The following NFATC3 variants were observed in gnomAD, a reference collection of about 807,000 sequenced individuals.
The protein encoded by NFATC3 is nuclear factor of activated T cells 3.
NFATC3 carries 46 observed loss-of-function variants against 98.6 expected under a neutral mutation model. The ratio of observed to expected loss-of-function variants is 0.47; its 90% CI spans 0.37 to 0.60. The LOEUF (loss-of-function observed/expected upper bound fraction) is 0.60, where lower values mean the gene tolerates loss of function less well. Among genes scored for constraint, NFATC3 ranks in the 20% least tolerant of loss-of-function variants. The probability of loss-of-function intolerance (pLI) is 0.00; values close to 1 mark genes in which losing one functional copy is unlikely to be tolerated. For synonymous variants in NFATC3, 512 were observed against 472.2 expected, an observed-to-expected ratio of 1.08 and a Z score of -1.09; for missense variants, 1,256 against 1,295.5, an observed-to-expected ratio of 0.97 and a Z score of 0.47.
chr16:68,167,820 T>C, intron 5 of NFATC3, among the ~76,000 whole-genome samples: 1 of 65,450 alleles, frequency 1.5e-5, no homozygotes, highest in Admixed American at 1.5e-4. Flanking sequence ...CTTTTTTTTT[T>C]TTTTTTTTTT....
intron 3 of NFATC3, among the ~76,000 whole-genome samples, chr16:68,134,328 A>G (rs1253271547): frequency 6.6e-6 from 1 of 152,010 alleles, no homozygotes. Context: ...CGCTTGGCTA[A>G]TTTTTTAAAT....
intron 1 of NFATC3, chr16:68,086,715 T>C: frequency 1.0e-6 from 1 of 985,434 alleles, no homozygotes; most frequent in Non-Finnish European, 1.2e-6. Flanking sequence ...TTCTTAATGT[T>C]CATGTTTGAT....
At chr16:68,138,813 C>T (rs2037590671) in intron 3 of NFATC3, 1 of 1,234,156 alleles carries the variant, frequency 8.1e-7, no homozygotes, top group Middle Eastern at 2.3e-4. Flanking sequence ...CCTTCTATGC[C>T]ACATGCTCCA....
intron 3 of NFATC3, among the ~76,000 whole-genome samples, chr16:68,142,435 G>A (rs1180541824): frequency 6.6e-6 from 1 of 152,110 alleles, no homozygotes; most frequent in African/African-American, 2.4e-5. Context: ...CATTGCTTTT[G>A]TAACCTGAGG....
chr16:68,201,647 T>TA (rs767824876), intron 9 of NFATC3, among the ~76,000 whole-genome samples: 15 of 150,614 alleles, frequency 1.0e-4, no homozygotes, highest in Non-Finnish European at 1.5e-4. Context: ...TTGTTTCTTT[T>TA]AAAAAAAAGA....
chr16:68,088,560 G>A (rs983995299), intron 1 of NFATC3: 1 of 148,354 alleles, frequency 6.7e-6, no homozygotes, highest in South Asian at 2.1e-4. Flanking sequence ...TTGAGGCAGG[G>A]TCTCGCCCTG....
Position 68,122,962 on chromosome 16 carries a change from A to G in NFATC3, c.1079A>G (p.Asp360Gly), listed in dbSNP as rs2036631711. Residue 360 changes from aspartate (D) to glycine (G), a missense_variant, in exon 2 of 10, where the codon GAT becomes GGT. Around this residue, in one of 3 missense-constraint regions of NFATC3, gnomAD observed 464 missense variants for 465.7 expected, o/e 1.00. Transcript: ENST00000346183. Reference protein sequence around the residue: ...ILPGKLELCSDDQGSLSPARE... With the variant: ...ILPGKLELCSGDQGSLSPARE... ...CCAGGAAAATTAGAGCTGTGTTCAG[A>G]TGACCAAGGGAGTTTATCACCAGCC... The G allele has an allele frequency of 6.2e-7, 1 of 1,614,204 alleles. No homozygotes were observed.
At chr16:68,100,887 C>CTGTG (rs55677176) in intron 1 of NFATC3, among the ~76,000 whole-genome samples, 17,132 of 146,184 alleles carry the variant, frequency 0.12, 1,071 homozygotes, top group South Asian at 0.19. Flanking sequence ...TTTGAGAGTT[C>CTGTG]TGTGTGTGTG....
chr16:68,212,240 A>G (rs1346771124), intron 9 of NFATC3, among the ~76,000 whole-genome samples: 1 of 152,212 alleles, frequency 6.6e-6, no homozygotes, highest in East Asian at 1.9e-4. Context: ...CTTAAGTCAG[A>G]AAAATTTTGC....
chr16:68,214,326 C>A (rs764369299), intron 9 of NFATC3: 2 of 1,613,510 alleles, frequency 1.2e-6, no homozygotes, highest in Non-Finnish European at 1.7e-6. Context: ...TTCTTTGACA[C>A]AGACCAATTT....
At chr16:68,116,669 G>A (rs962395056) in intron 1 of NFATC3, among the ~76,000 whole-genome samples, 1 of 152,170 alleles carries the variant, frequency 6.6e-6, no homozygotes, top group Non-Finnish European at 1.5e-5. Context: ...TCATTCTGAC[G>A]TAGAAGATGT....
At chr16:68,221,173 CTTACAT>C in intron 9 of NFATC3, 1 of 1,610,298 alleles carries the variant, frequency 6.2e-7, no homozygotes, top group Non-Finnish European at 8.5e-7. Flanking sequence ...TTGCTAATGA[CTTACAT>C]TTACATTACA....
At chr16:68,142,215 G>C (rs769456765) in intron 3 of NFATC3, among the ~76,000 whole-genome samples, 25 of 152,192 alleles carry the variant, frequency 1.6e-4, no homozygotes, top group Non-Finnish European at 3.4e-4. Flanking sequence ...GTGAGCATGG[G>C]ATGTTTCCAT....
At chr16:68,191,948 G>A (rs954909382) in intron 9 of NFATC3, 173 bp downstream of exon 9, 5 of 688,244 alleles carry the variant, frequency 7.3e-6, no homozygotes, top group Non-Finnish European at 9.4e-6. Context: ...CACGGCTCAC[G>A]CCTGTATCCC....
At chr16:68,142,506 C>G (rs2037807597) in intron 3 of NFATC3, among the ~76,000 whole-genome samples, 1 of 151,932 alleles carries the variant, frequency 6.6e-6, no homozygotes, top group African/African-American at 2.4e-5. Flanking sequence ...GCCTGTAATC[C>G]CAACACTGGG....
At chr16:68,177,032 CTT>C (rs548092276) in intron 6 of NFATC3, among the ~76,000 whole-genome samples, 6 of 133,100 alleles carry the variant, frequency 4.5e-5, no homozygotes, top group African/African-American at 2.8e-5. Flanking sequence ...CTTTTCTTTT[CTT>C]TTTTTTTTTT....
At chr16:68,174,948 G>A (rs527440412) in intron 6 of NFATC3, among the ~76,000 whole-genome samples, 2 of 152,302 alleles carry the variant, frequency 1.3e-5, no homozygotes, top group Non-Finnish European at 1.5e-5. Context: ...TTAGAAATAC[G>A]TGTCCGTACA....
rs2042058015 is a variant in NFATC3, at chr16:68,227,279, T to G, written c.*808T>G. ...TCTGAATGGTGGGGTTCTAGCTTGGTCACTTTCATTTCTTGCCATCATAAA... is the reference window on the plus strand; with the variant it reads ...TCTGAATGGTGGGGTTCTAGCTTGGGCACTTTCATTTCTTGCCATCATAAA... On this transcript the variant is annotated 3_prime_UTR_variant, in exon 10 of 10. Transcript: ENST00000346183. The G allele has an allele frequency of 6.6e-6, 1 of 152,202 alleles. No individual in the cohort carries two copies. The highest frequency in any genetic ancestry group is 2.4e-5 in the African/African-American group (1 of 41,456). 9.4% of individuals were successfully genotyped at this position (152,202 alleles called of 1,614,324 possible). A position where few individuals can be genotyped will look rare whatever the true frequency, so the allele number is the denominator to read the frequency against.
At chr16:68,163,577 C>T (rs1020021115) in intron 4 of NFATC3, among the ~76,000 whole-genome samples, 23 of 151,884 alleles carry the variant, frequency 1.5e-4, no homozygotes, top group Non-Finnish European at 2.9e-4. Context: ...GGGTGGCTGC[C>T]GGGCGGAGAC....
Sources: allele counts gnomAD v4.1 joint callset (sites outside exome capture counted in the v4.1 genomes callset), GRCh38; gene constraint gnomAD v4.1.1; regional missense constraint gnomAD v4.1.1; transcripts MANE v1.5; gene names NCBI Gene and HGNC (gene_info 2026-07-23, HGNC 2026-07-21).